The following SEMA3A variants were observed in gnomAD, a reference collection of about 807,000 sequenced individuals.
The protein encoded by SEMA3A is semaphorin-3A.
Under a neutral mutation model 97.9 loss-of-function variants are expected in SEMA3A, and 29 were observed. The observed-to-expected ratio is 0.30, with a 90% CI of 0.22 to 0.40. The LOEUF (loss-of-function observed/expected upper bound fraction) is 0.40. SEMA3A is among the 10% of genes least tolerant of loss of function. The pLI is 1.00. For missense variants in SEMA3A, 763 were observed against 951.3 expected (o/e 0.80, Z 2.60); for synonymous variants, 321 against 323.7 (o/e 0.99, Z 0.09).
chr7:84,097,047 A>G (rs1794797440), intron 4 of SEMA3A, among the ~76,000 whole-genome samples: 1 of 152,104 alleles, frequency 6.6e-6, no homozygotes, highest in African/African-American at 2.4e-5. Flanking sequence ...AAAGGTTACA[A>G]TTGTCCCCAA....
At chr7:84,040,064 T>A (rs1792080738) in intron 6 of SEMA3A, among the ~76,000 whole-genome samples, 1 of 152,056 alleles carries the variant, frequency 6.6e-6, no homozygotes, top group South Asian at 2.1e-4. Flanking sequence ...AAAATTTAAA[T>A]ATTATATGAC....
Position 83,957,606 on chromosome 7 carries a change from C to A in SEMA3A, c.*3765G>T, listed in dbSNP as rs918338048. 5 of 151,990 alleles carry A rather than the reference C, an allele frequency of 3.3e-5. No homozygotes were observed. Among genetic ancestry groups the A allele is most frequent in the Non-Finnish European group, 5.9e-5 (4 of 67,952 alleles). 9.4% of individuals were successfully genotyped at this position (151,990 alleles called of 1,614,324 possible). A position where few individuals can be genotyped will look rare whatever the true frequency, so the allele number is the denominator to read the frequency against. On this transcript the variant is annotated 3_prime_UTR_variant, in exon 17 of 17. Transcript: ENST00000265362. ...CTGTCACATATGCTGATTTTATTCT[C>A]TCTTTCATTTAGATATTTTCTTAAT...
At chr7:84,150,686 C>A (rs1282357759) in intron 1 of SEMA3A, among the ~76,000 whole-genome samples, 1 of 152,118 alleles carries the variant, frequency 6.6e-6, no homozygotes, top group Non-Finnish European at 1.5e-5. Context: ...ATTGCCCAGG[C>A]TTGATTAGGT....
intron 3 of SEMA3A, among the ~76,000 whole-genome samples, chr7:84,127,059 T>C (rs1292647544): frequency 6.6e-6 from 1 of 152,090 alleles, no homozygotes; most frequent in East Asian, 1.9e-4. Context: ...GAAAAACATT[T>C]GCTCTACTAT....
chr7:84,199,566 G>A (rs933753555), upstream of SEMA3A, among the ~76,000 whole-genome samples: 25 of 146,514 alleles, frequency 1.7e-4, no homozygotes, highest in African/African-American at 6.2e-4. Flanking sequence ...TGTTATTTCC[G>A]TTTTTTTTTT....
chr7:84,375,366 C>T (rs1317548213), intron 1 of SEMA3A, among the ~76,000 whole-genome samples: 2 of 152,088 alleles, frequency 1.3e-5, no homozygotes, highest in Non-Finnish European at 2.9e-5. Context: ...AAGTACCAAG[C>T]TCCATTCATT....
chr7:84,150,835 G>T (rs369168890), intron 1 of SEMA3A, among the ~76,000 whole-genome samples: 191 of 151,756 alleles, frequency 1.3e-3, no homozygotes, highest in Middle Eastern at 3.4e-3. Flanking sequence ...GACTTAAATG[G>T]CCCTGTCTGA....
intron 2 of SEMA3A, among the ~76,000 whole-genome samples, chr7:84,309,372 G>C (rs1383393890): frequency 6.6e-6 from 1 of 152,094 alleles, no homozygotes; most frequent in Non-Finnish European, 1.5e-5. Context: ...AACATGATGA[G>C]TTAAGTCCTA....
At chr7:84,413,373 A>T (rs1292289821) in intron 1 of SEMA3A, among the ~76,000 whole-genome samples, 1 of 152,172 alleles carries the variant, frequency 6.6e-6, no homozygotes, top group East Asian at 1.9e-4. Flanking sequence ...CATACCTGTA[A>T]TCTCAGCACT....
At chr7:84,091,471 T>C (rs1272705359) in intron 4 of SEMA3A, among the ~76,000 whole-genome samples, 1 of 152,054 alleles carries the variant, frequency 6.6e-6, no homozygotes, top group Admixed American at 6.6e-5. Flanking sequence ...CAAACTAAAA[T>C]AGCACACACC....
intron 1 of SEMA3A, among the ~76,000 whole-genome samples, chr7:84,424,457 T>G (rs1804689727): frequency 8.3e-6 from 1 of 121,056 alleles, no homozygotes; most frequent in Non-Finnish European, 1.6e-5. Flanking sequence ...AATATAATAA[T>G]ACAATTTAAT....
intron 3 of SEMA3A, among the ~76,000 whole-genome samples, chr7:84,302,884 C>A (rs1005113782): frequency 2.6e-5 from 4 of 152,060 alleles, no homozygotes; most frequent in Admixed American, 6.6e-5. Context: ...AATGTAAACA[C>A]TGAGATGATT....
chr7:84,034,738 G>T (rs1791879527), intron 6 of SEMA3A, among the ~76,000 whole-genome samples: 1 of 151,954 alleles, frequency 6.6e-6, no homozygotes, highest in South Asian at 2.1e-4. Flanking sequence ...AAGTATTATT[G>T]GTCTTTGTTC....
chr7:84,247,519 T>C (rs1369465647), intron 3 of SEMA3A, among the ~76,000 whole-genome samples: 1 of 152,062 alleles, frequency 6.6e-6, no homozygotes, highest in Non-Finnish European at 1.5e-5. Flanking sequence ...TTAAAGAAAA[T>C]AAAACCTTTG....
At chr7:84,075,725 G>A (rs1793923947) in intron 4 of SEMA3A, among the ~76,000 whole-genome samples, 1 of 152,094 alleles carries the variant, frequency 6.6e-6, no homozygotes, top group Non-Finnish European at 1.5e-5. Flanking sequence ...TCAAAGTGCT[G>A]GGATTACAGA....
chr7:84,044,747 G>T (rs975383035), intron 6 of SEMA3A, among the ~76,000 whole-genome samples: 2 of 151,974 alleles, frequency 1.3e-5, no homozygotes, highest in Non-Finnish European at 2.9e-5. Context: ...TAGATATATT[G>T]GGACTTTGTG....
At chr7:84,297,469 T>G (rs1800900577) in intron 3 of SEMA3A, among the ~76,000 whole-genome samples, 1 of 152,084 alleles carries the variant, frequency 6.6e-6, no homozygotes, top group South Asian at 2.1e-4. Context: ...AAACACATAT[T>G]TAGAATAAAA....
intron 1 of SEMA3A, among the ~76,000 whole-genome samples, chr7:84,413,878 T>C (rs184205861): frequency 1.4e-4 from 22 of 152,294 alleles, no homozygotes; most frequent in Admixed American, 1.4e-3. Context: ...CCAGGACATA[T>C]AATCTGCAAT....
chr7:84,061,901 A>C (rs1400859947), intron 4 of SEMA3A, among the ~76,000 whole-genome samples: 1 of 152,190 alleles, frequency 6.6e-6, no homozygotes, highest in East Asian at 1.9e-4. Flanking sequence ...CTATACTGTG[A>C]AATAATTTAT....
Sources: gnomAD v4.1 joint callset for allele counts (sites outside exome capture counted in the v4.1 genomes callset) on GRCh38, gnomAD v4.1.1 for gene constraint, MANE v1.5 for transcripts, NCBI Gene and HGNC (gene_info 2026-07-23, HGNC 2026-07-21) for gene names.